The following SLC13A1 variants were observed in gnomAD, a reference collection of about 807,000 sequenced individuals.
SLC13A1 encodes the protein solute carrier family 13 member 1.
Under a neutral mutation model 70.0 loss-of-function variants are expected in SLC13A1, and 65 were observed. The ratio of observed to expected loss-of-function variants is 0.93; its 90% CI spans 0.76 to 1.14. SLC13A1 has a LOEUF of 1.14. Ranked by LOEUF, SLC13A1 falls within the 50% of genes most tolerant of loss-of-function variation. The pLI, the probability that SLC13A1 is intolerant of heterozygous loss-of-function variation, is 0.00. For synonymous variants in SLC13A1, 275 were observed against 250.5 expected, an observed-to-expected ratio of 1.10 and a Z score of -0.92; for missense variants, 726 against 717.8, an observed-to-expected ratio of 1.01 and a Z score of -0.13.
At chr7:123,199,200 T>C (rs1156736693) in intron 1 of SLC13A1, among the ~76,000 whole-genome samples, 1 of 152,144 alleles carries the variant, frequency 6.6e-6, no homozygotes, top group Non-Finnish European at 1.5e-5. Context: ...GAGCTTATTG[T>C]TCTGGACTTA....
intron 1 of SLC13A1, among the ~76,000 whole-genome samples, chr7:123,188,794 T>C (rs1273856219): frequency 1.3e-5 from 2 of 152,214 alleles, no homozygotes; most frequent in Non-Finnish European, 2.9e-5. Context: ...CACTTTTCTG[T>C]TGTCTCATGT....
chr7:123,123,208 G>T lies in SLC13A1; in HGVS notation c.1268C>A (p.Thr423Asn). 1 of 1,613,276 alleles carries T rather than the reference G, an allele frequency of 6.2e-7. No individual in the cohort carries two copies. Among genetic ancestry groups the T allele is most frequent in the Non-Finnish European group, 8.5e-7 (1 of 1,179,390 alleles). Residue 423 changes from threonine to asparagine, a missense_variant, in exon 12 of 15, where the codon ACT (threonine) becomes AAT (asparagine). Thr to Asn is a moderately conservative substitution (Grantham distance 65). Coordinates refer to ENST00000194130, the MANE Select transcript of SLC13A1 (RefSeq NM_022444.4). The stretch of plus-strand genomic sequence containing the variant: ...CATGAATGACTGGAATTCTTTCCAA[G>T]TAATCAGTGGAGAGTAATCAAAAGC... ...IVAFDYSPLITWKEFQSFMPW... is the reference protein window; with the variant it reads ...IVAFDYSPLINWKEFQSFMPW...
At chr7:123,179,130 A>T (rs946460822) in intron 2 of SLC13A1, among the ~76,000 whole-genome samples, 6 of 152,100 alleles carry the variant, frequency 3.9e-5, no homozygotes, top group African/African-American at 1.4e-4. Flanking sequence ...GGTGGGAAGA[A>T]ATAAGGAGGA....
intron 11 of SLC13A1, among the ~76,000 whole-genome samples, chr7:123,123,733 A>G (rs12706487): frequency 0.22 from 34,123 of 152,164 alleles, 4,737 homozygotes; most frequent in East Asian, 0.35. Context: ...CCAAGATTTC[A>G]GTTTAAAAAT....
chr7:123,118,942 A>C, intron 13 of SLC13A1, 139 bp downstream of exon 13: 1 of 627,158 alleles, frequency 1.6e-6, no homozygotes, highest in Non-Finnish European at 2.6e-6. Context: ...ATTAATACAA[A>C]TAAAGACCAC....
At chr7:123,132,173 C>A (rs1180319019) in intron 8 of SLC13A1, among the ~76,000 whole-genome samples, 3 of 152,130 alleles carry the variant, frequency 2.0e-5, no homozygotes, top group African/African-American at 7.2e-5. Flanking sequence ...AGGAGGACTG[C>A]CACATGCTGC....
intron 1 of SLC13A1, among the ~76,000 whole-genome samples, chr7:123,198,352 A>C (rs1796248507): frequency 6.6e-6 from 1 of 152,084 alleles, no homozygotes; most frequent in Non-Finnish European, 1.5e-5. Context: ...TTTGAAAAAC[A>C]AAACCAACAA....
At chr7:123,185,060 A>G (rs1297562935) in intron 1 of SLC13A1, among the ~76,000 whole-genome samples, 1 of 151,894 alleles carries the variant, frequency 6.6e-6, no homozygotes, top group South Asian at 2.1e-4. Context: ...TTTTTCATGT[A>G]CCTGTTTGCC....
chr7:123,139,176 T>A (rs1467376644), intron 7 of SLC13A1, among the ~76,000 whole-genome samples: 1 of 152,124 alleles, frequency 6.6e-6, no homozygotes, highest in African/African-American at 2.4e-5. Context: ...AAAGACTGCC[T>A]TTCCCCAGTG....
chr7:123,165,463 A>G (rs1432711585), intron 6 of SLC13A1, among the ~76,000 whole-genome samples: 1 of 152,124 alleles, frequency 6.6e-6, no homozygotes, highest in African/African-American at 2.4e-5. Context: ...TGGCATCACA[A>G]TCTACCGCTC....
intron 1 of SLC13A1, among the ~76,000 whole-genome samples, chr7:123,189,317 A>G (rs896107758): frequency 6.6e-6 from 1 of 151,974 alleles, no homozygotes; most frequent in African/African-American, 2.4e-5. Context: ...ATGTTGCTAC[A>G]TATTTTCTAT....
intron 4 of SLC13A1, among the ~76,000 whole-genome samples, chr7:123,168,827 A>G (rs891937568): frequency 3.9e-5 from 6 of 152,182 alleles, no homozygotes; most frequent in African/African-American, 1.4e-4. Context: ...AAGATTCCCA[A>G]TATTATGCAG....
intron 2 of SLC13A1, among the ~76,000 whole-genome samples, chr7:123,172,924 G>A (rs1261073873): frequency 1.3e-5 from 2 of 151,954 alleles, no homozygotes; most frequent in African/African-American, 2.4e-5. Flanking sequence ...TAAAGAGGGG[G>A]ATATCATATA....
rs1563314663 is a variant in SLC13A1 at position 123,117,549 on chromosome 7, T to C, written c.1572A>G (p.Ser524=). 1.9e-6 allele frequency: 3 copies of C among 1,611,990 alleles called. No individual in the cohort carries two copies. The highest frequency in any genetic ancestry group is 2.2e-5 in the South Asian group (2 of 91,010). ...TTGCTACTGGTAGGAGGAATGCAAA[T>C]GAAGTACACAGAGTAGAAGGTATCA... is the stretch of plus-strand genomic sequence containing the variant. ...YILIPSTLCT[S]FAFLLPVANP... The change falls in exon 14 of 15, where the codon TCA becomes TCG. Residue 524 remains serine (S), a synonymous_variant. Coordinates refer to ENST00000194130, the MANE Select transcript of SLC13A1 (RefSeq NM_022444.4).
chr7:123,158,241 C>T (rs1260278615), intron 6 of SLC13A1, among the ~76,000 whole-genome samples: 3 of 151,796 alleles, frequency 2.0e-5, no homozygotes, highest in Admixed American at 1.3e-4. Context: ...ATTACATTTA[C>T]ATATGATTAA....
chr7:123,172,546 C>A (rs1795310138), intron 2 of SLC13A1, among the ~76,000 whole-genome samples: 1 of 152,186 alleles, frequency 6.6e-6, no homozygotes, highest in African/African-American at 2.4e-5. Flanking sequence ...TGCTTGAACC[C>A]AGGAGGCGGA....
chr7:123,121,607 G>T (rs1218832479), intron 12 of SLC13A1, among the ~76,000 whole-genome samples: 3 of 152,026 alleles, frequency 2.0e-5, no homozygotes, highest in African/African-American at 4.8e-5. Context: ...AAAATTTCAA[G>T]AATGTATGAA....
chr7:123,151,162 A>G (rs537994732), intron 6 of SLC13A1, among the ~76,000 whole-genome samples: 2 of 151,930 alleles, frequency 1.3e-5, no homozygotes, highest in Admixed American at 1.3e-4. Flanking sequence ...TGTCTCTACT[A>G]AAAATACAAA....
chr7:123,151,802 A>C (rs13245959), intron 6 of SLC13A1, among the ~76,000 whole-genome samples: 33,542 of 151,956 alleles, frequency 0.22, 4,620 homozygotes, highest in East Asian at 0.34. Context: ...CTCCTCAAAA[A>C]CATTATCTTC....
Sources: gnomAD v4.1 joint callset for allele counts (sites outside exome capture counted in the v4.1 genomes callset) on GRCh38, gnomAD v4.1.1 for gene constraint, MANE v1.5 for transcripts, NCBI Gene and HGNC (gene_info 2026-07-23, HGNC 2026-07-21) for gene names.